PTPRD: variants seen among roughly 807,000 people sequenced by gnomAD.
The protein encoded by PTPRD is receptor-type tyrosine-protein phosphatase delta.
Under a neutral mutation model 214.5 loss-of-function variants are expected in PTPRD, and 34 were observed. The observed-to-expected ratio is 0.16, with a 90% CI of 0.12 to 0.21. The LOEUF (loss-of-function observed/expected upper bound fraction) is 0.21. Ranked by LOEUF, PTPRD falls within the 10% of genes least tolerant of loss-of-function variation. PTPRD has a pLI of 1.00. For synonymous variants in PTPRD, 1,128 were observed against 845.7 expected (o/e 1.33, Z -5.79); for missense variants, 2,545 against 2,398.7 (o/e 1.06, Z -1.27).
At chr9:9,844,049 C>T (rs1230321065) in intron 5 of PTPRD, among the ~76,000 whole-genome samples, 1 of 152,032 alleles carries the variant, frequency 6.6e-6, no homozygotes, top group East Asian at 1.9e-4. Flanking sequence ...TTCATTTCAA[C>T]CATGTTCTTT....
chr9:10,102,310 A>T (rs1461820446), intron 3 of PTPRD, among the ~76,000 whole-genome samples: 1 of 151,358 alleles, frequency 6.6e-6, no homozygotes, highest in Non-Finnish European at 1.5e-5. Context: ...GGGGTATTGA[A>T]TTTGATGAAA....
intron 7 of PTPRD, among the ~76,000 whole-genome samples, chr9:9,660,340 C>A (rs965181224): frequency 6.6e-6 from 1 of 151,892 alleles, no homozygotes; most frequent in African/African-American, 2.4e-5. Flanking sequence ...GGTAAGGGGG[C>A]AAGCAAGAGG....
chr9:9,358,581 C>G (rs1010444444), intron 9 of PTPRD, among the ~76,000 whole-genome samples: 1 of 151,322 alleles, frequency 6.6e-6, no homozygotes, highest in East Asian at 2.0e-4. Flanking sequence ...TGAGTATGTA[C>G]TTGCTAACTA....
intron 29 of PTPRD, among the ~76,000 whole-genome samples, chr9:8,484,649 T>C (rs1161549984): frequency 1.3e-5 from 2 of 151,812 alleles, no homozygotes; most frequent in Admixed American, 6.6e-5. Context: ...CTTATCAATA[T>C]TAGACCTGTC....
intron 3 of PTPRD, among the ~76,000 whole-genome samples, chr9:10,035,644 C>T (rs1037996051): frequency 1.8e-4 from 28 of 151,752 alleles, no homozygotes; most frequent in African/African-American, 6.5e-4. Flanking sequence ...CTCTCCACAC[C>T]CTCATCATTT....
intron 6 of PTPRD, among the ~76,000 whole-genome samples, chr9:9,745,931 A>T (rs1026849431): frequency 2.6e-5 from 4 of 152,302 alleles, no homozygotes; most frequent in Non-Finnish European, 2.9e-5. Flanking sequence ...CACATTAAAT[A>T]AAATGGTAGC....
At chr9:8,377,917 T>A (rs572736325) in intron 37 of PTPRD, among the ~76,000 whole-genome samples, 1 of 152,208 alleles carries the variant, frequency 6.6e-6, no homozygotes, top group East Asian at 1.9e-4. Context: ...CCTCTGAGAA[T>A]TCAGGCTCTT....
At chr9:9,738,705 G>C (rs541951334) in intron 6 of PTPRD, among the ~76,000 whole-genome samples, 1 of 152,106 alleles carries the variant, frequency 6.6e-6, no homozygotes, top group South Asian at 2.1e-4. Context: ...GCCTCCCAAA[G>C]TGCTGGGATT....
chr9:10,198,721 T>C (rs2099407730), intron 3 of PTPRD, among the ~76,000 whole-genome samples: 1 of 152,134 alleles, frequency 6.6e-6, no homozygotes, highest in South Asian at 2.1e-4. Flanking sequence ...TGCAGCAGAT[T>C]AATAAGCCTT....
intron 9 of PTPRD, among the ~76,000 whole-genome samples, chr9:9,316,376 T>C (rs1963116987): frequency 6.6e-6 from 1 of 152,072 alleles, no homozygotes; most frequent in South Asian, 2.1e-4. Flanking sequence ...TTTAAAACTC[T>C]GCTATTAGAA....
chr9:8,697,215 G>A (rs16928282), intron 12 of PTPRD, among the ~76,000 whole-genome samples: 41,421 of 151,712 alleles, frequency 0.27, 6,115 homozygotes, highest in African/African-American at 0.38. Flanking sequence ...CTATACGTAG[G>A]GAAGGGAAAA....
chr9:9,869,895 A>G (rs2064992380), intron 5 of PTPRD, among the ~76,000 whole-genome samples: 1 of 152,078 alleles, frequency 6.6e-6, no homozygotes, highest in Non-Finnish European at 1.5e-5. Context: ...TGGGAAAACA[A>G]TTAGAGAACA....
intron 11 of PTPRD, among the ~76,000 whole-genome samples, chr9:8,768,219 A>AC (rs2154481575): frequency 6.6e-6 from 1 of 152,096 alleles, no homozygotes. Flanking sequence ...ACATAGTGAG[A>AC]CCCCCATCTT....
intron 4 of PTPRD, among the ~76,000 whole-genome samples, chr9:10,031,542 A>ACTGGCTCTCCTC (rs2097067742): frequency 6.7e-6 from 1 of 149,982 alleles, no homozygotes; most frequent in Non-Finnish European, 1.5e-5. Context: ...TGAGACTCGG[A>ACTGGCTCTCCTC]CTGGCTCTCC....
chr9:10,202,303 C>G (rs956768584), intron 3 of PTPRD, among the ~76,000 whole-genome samples: 3 of 151,640 alleles, frequency 2.0e-5, no homozygotes, highest in African/African-American at 4.8e-5. Context: ...AAGCAGGAGC[C>G]CCCCCACAAC....
At chr9:9,786,506 C>G (rs2154493233) in intron 5 of PTPRD, among the ~76,000 whole-genome samples, 1 of 152,276 alleles carries the variant, frequency 6.6e-6, no homozygotes, top group South Asian at 2.1e-4. Context: ...ATACTGAAAA[C>G]AGCATGTGAG....
intron 8 of PTPRD, among the ~76,000 whole-genome samples, chr9:9,488,074 G>T (rs1349407673): frequency 6.6e-6 from 1 of 152,058 alleles, no homozygotes; most frequent in East Asian, 1.9e-4. Flanking sequence ...CACTATTATT[G>T]TAACCTTTAT....
At position 9,305,910 on chromosome 9, in the gene PTPRD, G is replaced by C. The variant is rs114275008; in HGVS notation, c.-203+91539C>G. Among the ~76,000 whole-genome samples the C allele has an allele frequency of 8.0e-3, 1,222 of 152,090 alleles. 17 individuals carry two copies. Among genetic ancestry groups the C allele is most frequent in the African/African-American group, 0.028 (1,168 of 41,520 alleles). On this transcript the variant is annotated intron_variant, in intron 9 of 45. Coordinates refer to ENST00000381196, the MANE Select transcript of PTPRD (RefSeq NM_002839.4). ...ATTTTTTTCCTAGCTCTTTCATAGG[G>C]AACACAGCCCTGCTGAAACCTTGAT...
chr9:10,422,541 A>T (rs937265635), intron 2 of PTPRD, among the ~76,000 whole-genome samples: 3 of 152,012 alleles, frequency 2.0e-5, no homozygotes, highest in African/African-American at 7.2e-5. Flanking sequence ...ATGGGAGAAA[A>T]TTTTTGCAAT....
Sources: gnomAD v4.1 joint callset for allele counts (sites outside exome capture counted in the v4.1 genomes callset) on GRCh38, gnomAD v4.1.1 for gene constraint, MANE v1.5 for transcripts, NCBI Gene and HGNC (gene_info 2026-07-23, HGNC 2026-07-21) for gene names.